Variants in STARD13 observed in about 807,000 individuals in gnomAD.
STARD13 encodes the protein stAR-related lipid transfer protein 13.
Under a neutral mutation model 106.4 loss-of-function variants are expected in STARD13, and 62 were observed. That is an observed-to-expected ratio of 0.58 (90% CI 0.48 to 0.72). The LOEUF (loss-of-function observed/expected upper bound fraction) is 0.72, where lower values mean the gene tolerates loss of function less well. Ranked by LOEUF, STARD13 falls within the 30% of genes least tolerant of loss-of-function variation. The pLI, the probability that STARD13 is intolerant of heterozygous loss-of-function variation, is 0.00. For synonymous variants in STARD13, 565 were observed against 553.0 expected (o/e 1.02, Z -0.31); for missense variants, 1,387 against 1,424.0 (o/e 0.97, Z 0.42).
the STARD13 span, among the ~76,000 whole-genome samples, chr13:33,642,073 C>T: frequency 6.6e-6 from 1 of 152,050 alleles, no homozygotes; most frequent in South Asian, 2.1e-4. Flanking sequence ...CTTTTCTTTC[C>T]CGTCACCCTA....
intron 3 of STARD13, among the ~76,000 whole-genome samples, chr13:33,148,785 C>G (rs2138267794): frequency 6.6e-6 from 1 of 152,344 alleles, no homozygotes; most frequent in East Asian, 1.9e-4. Context: ...TTTATAGTAG[C>G]TTTTTCATAA....
chr13:33,455,226 T>C, the STARD13 span, among the ~76,000 whole-genome samples: 1 of 152,192 alleles, frequency 6.6e-6, no homozygotes. Context: ...GACACAAGCC[T>C]CAGACTCTGA....
the STARD13 span, among the ~76,000 whole-genome samples, chr13:33,650,372 A>G: frequency 6.7e-6 from 1 of 149,500 alleles, no homozygotes; most frequent in African/African-American, 2.5e-5. Flanking sequence ...TTGTATTTTT[A>G]GTAGAGACGG....
At chr13:33,621,599 G>A in the STARD13 span, among the ~76,000 whole-genome samples, 2 of 141,780 alleles carry the variant, frequency 1.4e-5, no homozygotes, top group South Asian at 2.3e-4. Flanking sequence ...AGAATGGCGT[G>A]AACCCGGGAG....
chr13:33,124,140 C>A (rs182551711), intron 7 of STARD13, among the ~76,000 whole-genome samples: 3 of 152,296 alleles, frequency 2.0e-5, no homozygotes, highest in Admixed American at 1.3e-4. Flanking sequence ...CCGGAAAAGC[C>A]AGGTTTTGAT....
At chr13:33,626,400 T>C in the STARD13 span, among the ~76,000 whole-genome samples, 1 of 152,216 alleles carries the variant, frequency 6.6e-6, no homozygotes, top group Non-Finnish European at 1.5e-5. Context: ...AAGATAATAA[T>C]GCATAATGAT....
the STARD13 span, among the ~76,000 whole-genome samples, chr13:33,484,458 A>C: frequency 2.0e-5 from 3 of 152,270 alleles, no homozygotes; most frequent in South Asian, 4.1e-4. Context: ...AGACCATATG[A>C]ATACACCTGG....
the STARD13 span, among the ~76,000 whole-genome samples, chr13:33,616,141 G>C: frequency 6.6e-6 from 1 of 150,426 alleles, no homozygotes; most frequent in African/African-American, 2.4e-5. Flanking sequence ...AGGAAGACAG[G>C]GAAAAAGAGA....
rs548742923 is a variant in STARD13 at position 33,130,161 on chromosome 13, C to A, written c.516G>T (p.Pro172=). ...TCGTGTTCCTCATCCCCGTGCCTCC[C>A]GGTGACCCATTTCTGTCTCCTCGAG... The part of the protein sequence containing the change: ...LLPRGDRNGS[P]GGTGMRNTTS... The change falls in exon 5 of 14, where the codon CCG becomes CCT. Residue 172 remains proline (P), a synonymous_variant. Coordinates refer to ENST00000336934, the MANE Select transcript of STARD13 (RefSeq NM_178006.4). The surrounding 1 kb of genome is among the most constrained non-coding windows in gnomAD (Gnocchi z 4.1). 1.9e-6 allele frequency: 3 copies of A among 1,614,080 alleles called. No individual in the cohort carries two copies. In the East Asian group the frequency reaches 6.7e-5, roughly 36 times the overall value.
At chr13:33,289,074 T>C (rs1892188226), upstream of STARD13, among the ~76,000 whole-genome samples, 1 of 152,308 alleles carries the variant, frequency 6.6e-6, no homozygotes, top group African/African-American at 2.4e-5. Flanking sequence ...GCTGGTCCTC[T>C]TCTCCAGTGA....
chr13:33,510,287 G>C, the STARD13 span, among the ~76,000 whole-genome samples: 1 of 152,172 alleles, frequency 6.6e-6, no homozygotes, highest in African/African-American at 2.4e-5. Context: ...TCCCTTTAGA[G>C]TGAAGGTAGG....
chr13:33,601,075 C>T, the STARD13 span, among the ~76,000 whole-genome samples: 2 of 152,140 alleles, frequency 1.3e-5, no homozygotes, highest in Non-Finnish European at 2.9e-5. Flanking sequence ...TGTGATGACA[C>T]GTGCAGCTCA....
chr13:33,323,896 C>G (rs535689312), intron 1 of STARD13, among the ~76,000 whole-genome samples: 1 of 152,224 alleles, frequency 6.6e-6, no homozygotes, highest in African/African-American at 2.4e-5. Flanking sequence ...AACAAAAACA[C>G]GAAACACACC....
In STARD13 at chr13:33,211,805, C is replaced by CTGTGTG. The variant is rs573541591; in HGVS notation, c.170-44189_170-44184dup. ...AATCCATGGACAGAGAGAGCTGACTCTGTGTGTGTGTGTGTGTGTGTATGT... is the reference window on the plus strand; with the variant it reads ...AATCCATGGACAGAGAGAGCTGACTCTGTGTGTGTGTGTGTGTGTGTGTGTGTATGT... On this transcript the variant is annotated intron_variant, in intron 1 of 13. Transcript: ENST00000336934. 2.9e-3 allele frequency among the ~76,000 whole-genome samples: 435 copies of CTGTGTG among 148,714 alleles called. 1 individual carries two copies. The highest frequency in any genetic ancestry group is 9.6e-3 in the African/African-American group (386 of 40,154).
At chr13:33,322,611 G>A (rs2138533561) in intron 1 of STARD13, among the ~76,000 whole-genome samples, 1 of 152,338 alleles carries the variant, frequency 6.6e-6, no homozygotes, top group South Asian at 2.1e-4. Context: ...AACAGCTGTT[G>A]CACGCGCAGT....
the STARD13 span, among the ~76,000 whole-genome samples, chr13:33,524,875 C>T: frequency 6.6e-6 from 1 of 152,014 alleles, no homozygotes; most frequent in African/African-American, 2.4e-5. Flanking sequence ...TTAAAATCTA[C>T]TCTCGGCAAT....
chr13:33,234,712 A>G (rs796400627), intron 1 of STARD13, among the ~76,000 whole-genome samples: 13 of 152,292 alleles, frequency 8.5e-5, no homozygotes, highest in African/African-American at 2.9e-4. Context: ...CTTATATATC[A>G]GTTTCCTGTG....
the STARD13 span, among the ~76,000 whole-genome samples, chr13:33,519,210 TTC>T: frequency 1.5e-5 from 1 of 65,772 alleles, no homozygotes; most frequent in East Asian, 4.7e-4. Context: ...TGGTAATTTT[TTC>T]TTTCTTTCTT....
At chr13:33,246,109 T>C (rs930833542) in intron 1 of STARD13, among the ~76,000 whole-genome samples, 9 of 152,198 alleles carry the variant, frequency 5.9e-5, no homozygotes, top group African/African-American at 2.2e-4. Flanking sequence ...TTTTAATTCA[T>C]TTTTTAGTGT....
Sources: allele counts gnomAD v4.1 joint callset (sites outside exome capture counted in the v4.1 genomes callset), GRCh38; gene constraint gnomAD v4.1.1; non-coding constraint Gnocchi (gnomAD v3.1); transcripts MANE v1.5; gene names NCBI Gene and HGNC (gene_info 2026-07-23, HGNC 2026-07-21).